Variants in ROPN1L observed in about 807,000 individuals in gnomAD.
ROPN1L encodes rhophilin associated tail protein 1 like, also known as ropporin-1-like protein.
In ROPN1L, 23 loss-of-function variants were observed where a neutral mutation model predicts 22.7. The ratio of observed to expected loss-of-function variants is 1.01; its 90% CI spans 0.73 to 1.43. The LOEUF (loss-of-function observed/expected upper bound fraction) is 1.43, where lower values mean the gene tolerates loss of function less well. ROPN1L is among the 40% of genes most tolerant of loss of function. The pLI, the probability that ROPN1L is intolerant of heterozygous loss-of-function variation, is 0.00. For missense variants in ROPN1L, 271 were observed against 291.5 expected (o/e 0.93, Z 0.51); for synonymous variants, 116 against 117.8 (o/e 0.98, Z 0.10).
At chr5:10,470,950 C>G (rs1340143608) in intron 4 of ROPN1L, among the ~76,000 whole-genome samples, 1 of 152,140 alleles carries the variant, frequency 6.6e-6, no homozygotes, top group Non-Finnish European at 1.5e-5. Flanking sequence ...CTGTCATTAC[C>G]CCTGTGTTAT....
chr5:10,472,223 A>G (rs1735257717), downstream of ROPN1L, among the ~76,000 whole-genome samples: 1 of 150,842 alleles, frequency 6.6e-6, no homozygotes, highest in South Asian at 2.1e-4. Context: ...CCACCCATCA[A>G]CCGTGCATTT....
rs367925100 is a variant in ROPN1L, at chr5:10,442,295, C to T, written c.128C>T (p.Ala43Val). Reference sequence around the variant, plus strand: ...CCGGCCGACGTGCTGCGGTGGTCCGCGGGGTAAGCGCCCTTGGCCCGGGGA... The same window carrying T: ...CCGGCCGACGTGCTGCGGTGGTCCGTGGGGTAAGCGCCCTTGGCCCGGGGA... ...TQPADVLRWS[A>V]GYFSALSRGD... Residue 43 changes from alanine to valine, a missense_variant, in exon 1 of 5, where the codon GCG becomes GTG. Physicochemically the swap from Ala to Val is moderately conservative, Grantham distance 64. Transcript: ENST00000274134. 7 of 1,612,942 alleles carry T rather than the reference C, an allele frequency of 4.3e-6. No individual in the cohort carries two copies. The African/African-American group carries it at 9.3e-5, about 22-fold the overall frequency.
intron 4 of ROPN1L, among the ~76,000 whole-genome samples, chr5:10,462,462 C>T (rs1735052414): frequency 6.6e-6 from 1 of 152,212 alleles, no homozygotes; most frequent in African/African-American, 2.4e-5. Context: ...GTGGCTCCCA[C>T]CCATGTGGGC....
chr5:10,468,682 G>A (rs1039320337), downstream of ROPN1L, among the ~76,000 whole-genome samples: 1 of 152,202 alleles, frequency 6.6e-6, no homozygotes, highest in Non-Finnish European at 1.5e-5. Flanking sequence ...GCTCTGGGAG[G>A]AGAACAGCAG....
chr5:10,465,972 T>C (rs753317436), downstream of ROPN1L, among the ~76,000 whole-genome samples: 2 of 152,164 alleles, frequency 1.3e-5, no homozygotes, highest in African/African-American at 2.4e-5. Context: ...ATCTTTTCTA[T>C]GAAAGGTGGA....
At position 10,461,436 on chromosome 5, in the gene ROPN1L, A is replaced by G. The variant is rs368238114; in HGVS notation, c.593+77A>G. On this transcript the variant is annotated intron_variant, in intron 4 of 4. Coordinates refer to ENST00000274134, the MANE Select transcript of ROPN1L (RefSeq NM_031916.5). ...CCTGTTTCACTTCCCCCTTGTAGGG[A>G]AAAACTCAGTTTTTCCTTTGCTCTC... 7.7e-6 allele frequency: 10 copies of G among 1,306,672 alleles called. No individual in the cohort carries two copies. In the African/African-American group the frequency reaches 1.2e-4, roughly 15 times the overall value. The allele number at this position is 1,306,672 out of a possible 1,614,324, so 80.9% of individuals were successfully genotyped here. A position where few individuals can be genotyped will look rare whatever the true frequency, so the allele number is the denominator to read the frequency against.
intron 3 of ROPN1L, among the ~76,000 whole-genome samples, chr5:10,453,252 G>T (rs956863134): frequency 2.0e-5 from 3 of 152,130 alleles, no homozygotes; most frequent in African/African-American, 4.8e-5. Flanking sequence ...CATGTCTGCT[G>T]CCAGGGATGC....
intron 3 of ROPN1L, among the ~76,000 whole-genome samples, chr5:10,453,463 A>G (rs1018603465): frequency 1.3e-5 from 2 of 152,096 alleles, no homozygotes; most frequent in Admixed American, 1.3e-4. Context: ...GGGTTTCTTC[A>G]TGTCGTTCAG....
chr5:10,451,929 A>ATCTATCTATCTATCTATCTG (rs1241247939), intron 3 of ROPN1L, among the ~76,000 whole-genome samples: 2 of 2,486 alleles, frequency 8.0e-4, no homozygotes, highest in African/African-American at 1.0e-3. Context: ...ACTCTGTGAA[A>ATCTATCTATCTATCTATCTG]TCTATCTATC....
In ROPN1L at chr5:10,464,917, C is replaced by A; in HGVS notation, c.663C>A (p.Ser221Arg). 6.2e-7 allele frequency: 1 copy of A among 1,603,848 alleles called. No individual in the cohort carries two copies. The highest frequency in any genetic ancestry group is 8.5e-7 in the Non-Finnish European group (1 of 1,174,674). The part of the protein sequence containing the change: ...FFFPKRKLLE[S>R]IENSEDVGH ...TTCCAAAGAGGAAACTTTTAGAAAGCATTGAAAACTCTGAAGATGTAGGCC... is the reference window on the plus strand; with the variant it reads ...TTCCAAAGAGGAAACTTTTAGAAAGAATTGAAAACTCTGAAGATGTAGGCC... Residue 221 changes from serine to arginine, a missense_variant, in exon 5 of 5, where the codon AGC becomes AGA. Transcript: ENST00000274134.
At chr5:10,458,395 G>A (rs886890715) in intron 3 of ROPN1L, among the ~76,000 whole-genome samples, 1 of 151,496 alleles carries the variant, frequency 6.6e-6, no homozygotes, top group Non-Finnish European at 1.5e-5. Context: ...TGTATACACC[G>A]TCCTGCTCGT....
At chr5:10,452,484 G>A (rs186293289) in intron 3 of ROPN1L, among the ~76,000 whole-genome samples, 92 of 151,056 alleles carry the variant, frequency 6.1e-4, no homozygotes, top group Admixed American at 1.8e-3. Context: ...TTACAGGCAT[G>A]GACCTCCACG....
downstream of ROPN1L, among the ~76,000 whole-genome samples, chr5:10,475,919 C>G (rs1307344277): frequency 6.6e-6 from 1 of 152,240 alleles, no homozygotes; most frequent in Non-Finnish European, 1.5e-5. Context: ...CTGCTGTGCT[C>G]CACATGATCA....
chr5:10,464,320 T>C (rs946447677), intron 4 of ROPN1L, among the ~76,000 whole-genome samples: 1 of 152,224 alleles, frequency 6.6e-6, no homozygotes, highest in African/African-American at 2.4e-5. Flanking sequence ...GTGTCTGCAG[T>C]CACATGGACG....
downstream of ROPN1L, among the ~76,000 whole-genome samples, chr5:10,468,032 A>G (rs1735183499): frequency 1.3e-5 from 2 of 152,100 alleles, no homozygotes; most frequent in Admixed American, 6.5e-5. Context: ...TAGATCACCC[A>G]CACATCGGAG....
At chr5:10,454,600 C>T (rs957747419) in intron 3 of ROPN1L, among the ~76,000 whole-genome samples, 1 of 152,200 alleles carries the variant, frequency 6.6e-6, no homozygotes, top group East Asian at 1.9e-4. Flanking sequence ...CTGTCATGAT[C>T]AAAACAAATC....
At chr5:10,444,102 A>G (rs1740977859) in intron 1 of ROPN1L, among the ~76,000 whole-genome samples, 1 of 152,148 alleles carries the variant, frequency 6.6e-6, no homozygotes, top group Non-Finnish European at 1.5e-5. Context: ...TGGTTTCTGA[A>G]AGACTCTTTC....
downstream of ROPN1L, among the ~76,000 whole-genome samples, chr5:10,469,523 G>A (rs1183701478): frequency 1.3e-5 from 2 of 152,070 alleles, no homozygotes; most frequent in Non-Finnish European, 2.9e-5. Flanking sequence ...TTCATACGGT[G>A]TGACTTTGAA....
chr5:10,448,464 G>C (rs1392452161), intron 2 of ROPN1L, 81 bp downstream of exon 2: 1 of 1,534,504 alleles, frequency 6.5e-7, no homozygotes. Context: ...TGACAGAGCG[G>C]GGCACACCCC....
Sources: allele counts gnomAD v4.1 joint callset (sites outside exome capture counted in the v4.1 genomes callset), GRCh38; gene constraint gnomAD v4.1.1; transcripts MANE v1.5; gene names NCBI Gene and HGNC (gene_info 2026-07-23, HGNC 2026-07-21).